Variants in ETS1 observed in about 807,000 individuals in gnomAD.
ETS1 encodes the protein ETS proto-oncogene 1, transcription factor.
Under a neutral mutation model 58.6 loss-of-function variants are expected in ETS1, and 15 were observed. The ratio of observed to expected loss-of-function variants is 0.26; its 90% CI spans 0.17 to 0.39. The LOEUF (loss-of-function observed/expected upper bound fraction) is 0.39. Ranked by LOEUF, ETS1 falls within the 10% of genes least tolerant of loss-of-function variation. The pLI is 1.00. For synonymous variants in ETS1, 214 were observed against 218.2 expected, an observed-to-expected ratio of 0.98 and a Z score of 0.17; for missense variants, 417 against 610.5, an observed-to-expected ratio of 0.68 and a Z score of 3.34.
intron 5 of ETS1, among the ~76,000 whole-genome samples, chr11:128,488,745 C>T (rs1201884647): frequency 6.6e-6 from 1 of 152,106 alleles, no homozygotes; most frequent in Non-Finnish European, 1.5e-5. Flanking sequence ...TGCAACATAG[C>T]GTCCTGATAT....
intron 2 of ETS1, among the ~76,000 whole-genome samples, chr11:128,557,083 A>G (rs1352915755): frequency 6.6e-6 from 1 of 152,224 alleles, no homozygotes; most frequent in Non-Finnish European, 1.5e-5. Context: ...GTGGAAGGTC[A>G]TGTTTTGCTG....
chr11:128,558,237 G>C (rs1864345276), intron 2 of ETS1, among the ~76,000 whole-genome samples: 1 of 152,204 alleles, frequency 6.6e-6, no homozygotes, highest in South Asian at 2.1e-4. Context: ...GCTGTTGCCA[G>C]GGGCCTTGAT....
intron 8 of ETS1, among the ~76,000 whole-genome samples, chr11:128,470,288 T>A (rs1161043708): frequency 6.6e-6 from 1 of 152,006 alleles, no homozygotes; most frequent in Non-Finnish European, 1.5e-5. Context: ...GGCAGTGGAG[T>A]ACTGAGTGAT....
At chr11:128,499,014 G>A (rs141414998) in intron 3 of ETS1, among the ~76,000 whole-genome samples, 3 of 152,224 alleles carry the variant, frequency 2.0e-5, no homozygotes, top group Non-Finnish European at 4.4e-5. Context: ...GGGCTCTTTC[G>A]TCTCCATGGC....
chr11:128,532,483 G>T (rs149758308), intron 3 of ETS1, among the ~76,000 whole-genome samples: 2 of 152,330 alleles, frequency 1.3e-5, no homozygotes, highest in Non-Finnish European at 2.9e-5. Context: ...TTGGCAAGAT[G>T]AATGCTGTAT....
chr11:128,525,105 G>GA (rs904014615), intron 3 of ETS1, among the ~76,000 whole-genome samples: 3 of 151,910 alleles, frequency 2.0e-5, no homozygotes, highest in African/African-American at 4.8e-5. Context: ...CTGCATTTGG[G>GA]AAAAAACAGA....
intron 3 of ETS1, chr11:128,526,562 C>A (rs1349598468): frequency 4.2e-6 from 1 of 236,416 alleles, no homozygotes; most frequent in Non-Finnish European, 8.4e-6. Flanking sequence ...CTTGGATGCT[C>A]AATTTTCCTG....
intron 3 of ETS1, among the ~76,000 whole-genome samples, chr11:128,520,659 G>C (rs535774282): frequency 2.0e-5 from 3 of 152,302 alleles, no homozygotes; most frequent in African/African-American, 7.2e-5. Flanking sequence ...TCATCCTTGC[G>C]AGGAGACAAA....
intron 2 of ETS1, among the ~76,000 whole-genome samples, chr11:128,566,595 A>C (rs932297631): frequency 6.6e-6 from 1 of 152,006 alleles, no homozygotes; most frequent in Admixed American, 6.5e-5. Flanking sequence ...CATCCTGGCT[A>C]ACACAGTGAA....
At chr11:128,481,071 A>C (rs2135442831) in intron 7 of ETS1, among the ~76,000 whole-genome samples, 1 of 152,360 alleles carries the variant, frequency 6.6e-6, no homozygotes, top group East Asian at 1.9e-4. Context: ...CTTTTCAAAT[A>C]GAGTAAGATG....
At chr11:128,556,158 T>C in intron 3 of ETS1, 133 bp downstream of exon 3, 1 of 750,396 alleles carries the variant, frequency 1.3e-6, no homozygotes, top group South Asian at 2.5e-5. Context: ...GGCCCGGGAC[T>C]TTCCATTCAA....
At chr11:128,524,776 C>G (rs1591642110) in intron 3 of ETS1, among the ~76,000 whole-genome samples, 2 of 152,286 alleles carry the variant, frequency 1.3e-5, no homozygotes, top group East Asian at 1.9e-4. Context: ...ACTTTTTGGT[C>G]ACTATGGGCT....
intron 3 of ETS1, among the ~76,000 whole-genome samples, chr11:128,546,730 A>G (rs1375763186): frequency 6.6e-6 from 1 of 152,112 alleles, no homozygotes; most frequent in African/African-American, 2.4e-5. Context: ...CCAAGTGTAC[A>G]TTGTTTGCAG....
intron 3 of ETS1, among the ~76,000 whole-genome samples, chr11:128,500,993 T>A (rs1863075078): frequency 6.6e-6 from 1 of 152,254 alleles, no homozygotes; most frequent in African/African-American, 2.4e-5. Context: ...CGAGTTTAAA[T>A]CTGCCTTCTT....
chr11:128,469,775 G>C (rs1274296810), intron 8 of ETS1, among the ~76,000 whole-genome samples: 1 of 152,196 alleles, frequency 6.6e-6, no homozygotes, highest in Non-Finnish European at 1.5e-5. Flanking sequence ...AGGGCCAGGA[G>C]TGCTTGATAT....
chr11:128,469,129 A>C (rs1273986082), intron 8 of ETS1, among the ~76,000 whole-genome samples: 5 of 152,268 alleles, frequency 3.3e-5, no homozygotes, highest in Non-Finnish European at 7.3e-5. Context: ...ACGTGTTCCC[A>C]AAAATGAAAA....
At chr11:128,535,413 C>T (rs1863958693) in intron 3 of ETS1, among the ~76,000 whole-genome samples, 1 of 152,130 alleles carries the variant, frequency 6.6e-6, no homozygotes, top group African/African-American at 2.4e-5. Context: ...TTTTGCTGTC[C>T]AGAAGCTCTT....
At chr11:128,484,752 C>G in intron 7 of ETS1, 71 bp downstream of exon 7, 1 of 1,448,290 alleles carries the variant, frequency 6.9e-7, no homozygotes, top group East Asian at 2.3e-5. Flanking sequence ...AAAAATGGAA[C>G]CTGAAAAAAA....
chr11:128,528,706 A>G (rs1366062190), intron 3 of ETS1, among the ~76,000 whole-genome samples: 1 of 152,158 alleles, frequency 6.6e-6, no homozygotes, highest in Non-Finnish European at 1.5e-5. Context: ...CTCAGATACC[A>G]GTTTTGTTTT....
Sources: gnomAD v4.1 joint callset for allele counts (sites outside exome capture counted in the v4.1 genomes callset) on GRCh38, gnomAD v4.1.1 for gene constraint, MANE v1.5 for transcripts, NCBI Gene and HGNC (gene_info 2026-07-23, HGNC 2026-07-21) for gene names.